The following SAMSN1 variants were observed in gnomAD, a reference collection of about 807,000 sequenced individuals.
SAMSN1 encodes SAM domain-containing protein SAMSN-1.
In SAMSN1, 31 loss-of-function variants were observed where a neutral mutation model predicts 42.0. The observed-to-expected ratio is 0.74, with a 90% CI of 0.55 to 1.00. SAMSN1 has a LOEUF of 1.00. SAMSN1 is among the 50% of genes least tolerant of loss of function. SAMSN1 has a pLI of 0.00. For missense variants in SAMSN1, 464 were observed against 439.4 expected, an observed-to-expected ratio of 1.06 and a Z score of -0.50; for synonymous variants, 178 against 151.9, an observed-to-expected ratio of 1.17 and a Z score of -1.26.
At chr21:14,533,207 A>T (rs991140860) in intron 1 of SAMSN1, among the ~76,000 whole-genome samples, 3 of 152,158 alleles carry the variant, frequency 2.0e-5, no homozygotes, top group African/African-American at 7.2e-5. Context: ...GTGAGCCACC[A>T]TGCCCAGCCA....
intron 2 of SAMSN1, among the ~76,000 whole-genome samples, chr21:14,563,108 A>G (rs1458092412): frequency 2.0e-5 from 3 of 152,226 alleles, no homozygotes. Flanking sequence ...GACCAGATTC[A>G]CTAGAGAGCA....
At position 14,493,574 on chromosome 21, in the gene SAMSN1, AACACACACACACAC is replaced by A. The variant is rs201460166; in HGVS notation, c.919+4854_919+4867del. 1.3e-4 allele frequency among the ~76,000 whole-genome samples: 13 copies of A among 102,320 alleles called. No individual in the cohort carries two copies. The East Asian group carries it at 4.1e-3, about 32-fold the overall frequency. The allele number at this position is 102,320 out of a possible 152,430, so 67.1% of individuals were successfully genotyped here. On this transcript the variant is annotated intron_variant, in intron 7 of 7. Coordinates refer to ENST00000400566, the MANE Select transcript of SAMSN1 (RefSeq NM_022136.5). ...GCCTTGAAGATTGTGTTTATGGAAC[AACACACACACACAC>A]ACACACACACACACACACACACACA...
At chr21:14,521,360 T>G (rs1345790230) in intron 1 of SAMSN1, 139 bp from the exon 2 acceptor site, 1 of 569,094 alleles carries the variant, frequency 1.8e-6, no homozygotes, top group Non-Finnish European at 3.1e-6. Flanking sequence ...CTCTGGAATA[T>G]CCAAAGGCTG....
At chr21:14,640,626 G>T (rs1020964075) in intron 2 of SAMSN1, among the ~76,000 whole-genome samples, 2 of 148,972 alleles carry the variant, frequency 1.3e-5, no homozygotes, top group African/African-American at 4.9e-5. Flanking sequence ...ATTAACTGGG[G>T]ATACTAAGAA....
chr21:14,503,809 C>A (rs932246258), intron 5 of SAMSN1, among the ~76,000 whole-genome samples: 1 of 151,998 alleles, frequency 6.6e-6, no homozygotes, highest in African/African-American at 2.4e-5. Flanking sequence ...AATTAGGAAA[C>A]CTGGGAGGAC....
At chr21:14,616,097 A>T (rs941078033) in intron 2 of SAMSN1, 5 of 430,824 alleles carry the variant, frequency 1.2e-5, no homozygotes, top group Non-Finnish European at 2.2e-5. Flanking sequence ...CTGAAAGAGA[A>T]TTCATTCATT....
chr21:14,596,843 C>T (rs756057669), intron 6 of SAMSN1, among the ~76,000 whole-genome samples: 2 of 152,164 alleles, frequency 1.3e-5, no homozygotes, highest in South Asian at 2.1e-4. Flanking sequence ...ACATGAGAGA[C>T]TCTAAGCTAG....
chr21:14,523,545 T>C (rs1978635314), intron 1 of SAMSN1, among the ~76,000 whole-genome samples: 1 of 152,216 alleles, frequency 6.6e-6, no homozygotes, highest in Non-Finnish European at 1.5e-5. Flanking sequence ...CTGGCTGTCA[T>C]TGCTCAGCAA....
intron 2 of SAMSN1, among the ~76,000 whole-genome samples, chr21:14,619,140 A>T (rs1982935809): frequency 6.6e-6 from 1 of 152,244 alleles, no homozygotes; most frequent in South Asian, 2.1e-4. Flanking sequence ...GATAAATTGT[A>T]GATATCAAAT....
At chr21:14,583,475 C>G, upstream of SAMSN1, 2 of 549,032 alleles carry the variant, frequency 3.6e-6, no homozygotes, top group Non-Finnish European at 6.4e-6. Context: ...TGCATAAATA[C>G]GGGGTAAAAT....
chr21:14,557,349 C>T (rs1277765837), intron 2 of SAMSN1, among the ~76,000 whole-genome samples: 2 of 152,162 alleles, frequency 1.3e-5, no homozygotes, highest in Non-Finnish European at 2.9e-5. Flanking sequence ...TATAAAATTC[C>T]TGACACAGAG....
chr21:14,615,724 T>A (rs530305902), intron 3 of SAMSN1, among the ~76,000 whole-genome samples: 5 of 152,286 alleles, frequency 3.3e-5, no homozygotes, highest in East Asian at 1.9e-4. Context: ...AGGCCTGGTT[T>A]AGACACATGT....
intron 1 of SAMSN1, 65 bp downstream of exon 1, chr21:14,546,140 C>A: frequency 7.2e-7 from 1 of 1,396,024 alleles, no homozygotes; most frequent in Non-Finnish European, 1.0e-6. Flanking sequence ...TGTTCAAACA[C>A]ACATATGTGT....
At chr21:14,639,198 A>G (rs147838650) in intron 2 of SAMSN1, among the ~76,000 whole-genome samples, 13 of 152,352 alleles carry the variant, frequency 8.5e-5, no homozygotes, top group African/African-American at 3.1e-4. Flanking sequence ...TGGCAGAGAT[A>G]CAAACATTTT....
At chr21:14,589,067 A>G (rs1373957046) in intron 7 of SAMSN1, among the ~76,000 whole-genome samples, 1 of 152,134 alleles carries the variant, frequency 6.6e-6, no homozygotes, top group Non-Finnish European at 1.5e-5. Context: ...TAATACAAAA[A>G]TTTTGTTAGA....
intron 2 of SAMSN1, among the ~76,000 whole-genome samples, chr21:14,576,266 A>T (rs1434495132): frequency 2.0e-5 from 3 of 152,262 alleles, no homozygotes; most frequent in Admixed American, 6.5e-5. Context: ...CAAGAAAATT[A>T]ATCTGTTAGA....
chr21:14,581,150 A>G lies in SAMSN1; in HGVS notation c.261+986T>C, dbSNP rs117156599. 1.2e-3 allele frequency among the ~76,000 whole-genome samples: 187 copies of G among 152,090 alleles called. 3 individuals carry two copies. The East Asian group carries it at 0.029, about 23-fold the overall frequency. On this transcript the variant is annotated intron_variant, in intron 2 of 8. Coordinates refer to the SAMSN1 transcript ENST00000285670. Reference sequence around the variant, plus strand: ...GAGCATACTCTTTCTCACGTATCACATAATAGCCTTAGAGTCTGCCCTCGT... The same window carrying G: ...GAGCATACTCTTTCTCACGTATCACGTAATAGCCTTAGAGTCTGCCCTCGT...
chr21:14,593,198 C>A (rs950858789), intron 7 of SAMSN1, among the ~76,000 whole-genome samples: 4 of 151,992 alleles, frequency 2.6e-5, no homozygotes, highest in African/African-American at 9.7e-5. Context: ...GATATCAAAA[C>A]TTTTGTATTC....
At chr21:14,572,891 G>A (rs981604422) in intron 2 of SAMSN1, among the ~76,000 whole-genome samples, 3 of 152,132 alleles carry the variant, frequency 2.0e-5, no homozygotes, top group African/African-American at 7.2e-5. Flanking sequence ...GTAGATTTCA[G>A]CTTAAAATCC....
Sources: gnomAD v4.1 joint callset for allele counts (sites outside exome capture counted in the v4.1 genomes callset) on GRCh38, gnomAD v4.1.1 for gene constraint, MANE v1.5 for transcripts, NCBI Gene and HGNC (gene_info 2026-07-23, HGNC 2026-07-21) for gene names.